Variants in DLG2 observed in about 807,000 individuals in gnomAD.
The protein encoded by DLG2 is discs large MAGUK scaffold protein 2, also known as disks large homolog 2.
A neutral mutation model predicts 132.5 loss-of-function variants in DLG2; 45 were observed. The ratio of observed to expected loss-of-function variants is 0.34; its 90% CI spans 0.27 to 0.44. The LOEUF is 0.44. Among genes scored for constraint, DLG2 ranks in the 20% least tolerant of loss-of-function variants. The probability of loss-of-function intolerance (pLI) is 1.00; values close to 1 mark genes in which losing one functional copy is unlikely to be tolerated. For synonymous variants in DLG2, 424 were observed against 419.6 expected (o/e 1.01, Z -0.13); for missense variants, 1,045 against 1,196.9 (o/e 0.87, Z 1.87).
chr11:83,776,884 G>A (rs2094602537), intron 18 of DLG2, among the ~76,000 whole-genome samples: 5 of 152,278 alleles, frequency 3.3e-5, no homozygotes, highest in Admixed American at 2.6e-4. Flanking sequence ...GTTTGTCTTC[G>A]TTTGGTCTGG....
At chr11:85,453,252 T>G in intron 3 of DLG2, 1 of 351,338 alleles carries the variant, frequency 2.8e-6, no homozygotes, top group Non-Finnish European at 5.2e-6. Flanking sequence ...AGTAAACACT[T>G]GTGTCAATAA....
chr11:84,393,422 C>T (rs1740831976), intron 7 of DLG2, among the ~76,000 whole-genome samples: 2 of 152,076 alleles, frequency 1.3e-5, no homozygotes, highest in Admixed American at 1.3e-4. Context: ...ACTACTCTAA[C>T]TTTTGTAATA....
chr11:83,562,730 TAGTG>T (rs2096633219), intron 19 of DLG2, among the ~76,000 whole-genome samples: 1 of 152,130 alleles, frequency 6.6e-6, no homozygotes, highest in Non-Finnish European at 1.5e-5. Context: ...TATGATAACT[TAGTG>T]AGGTTGAAGT....
intron 6 of DLG2, among the ~76,000 whole-genome samples, chr11:84,622,302 A>G (rs778767794): frequency 5.9e-5 from 9 of 152,194 alleles, no homozygotes; most frequent in Non-Finnish European, 1.2e-4. Flanking sequence ...CCAGTTCACC[A>G]CCAGAAAGAG....
intron 6 of DLG2, among the ~76,000 whole-genome samples, chr11:84,964,967 C>G (rs1008799346): frequency 6.6e-6 from 1 of 152,068 alleles, no homozygotes; most frequent in African/African-American, 2.4e-5. Flanking sequence ...ATTTTCATAT[C>G]CATGTCCTCA....
intron 3 of DLG2, among the ~76,000 whole-genome samples, chr11:85,309,986 C>T (rs1176554217): frequency 2.6e-5 from 4 of 152,152 alleles, no homozygotes; most frequent in Non-Finnish European, 5.9e-5. Context: ...AGCAGTCTCT[C>T]AGATGCTGAT....
chr11:84,068,098 CA>C (rs1453719763), intron 10 of DLG2, among the ~76,000 whole-genome samples: 1 of 152,138 alleles, frequency 6.6e-6, no homozygotes, highest in Non-Finnish European at 1.5e-5. Context: ...TATTAGAGGC[CA>C]TTTTCTTCCA....
intron 9 of DLG2, among the ~76,000 whole-genome samples, chr11:84,101,408 C>T (rs774752237): frequency 2.0e-5 from 3 of 152,140 alleles, no homozygotes; most frequent in Admixed American, 6.6e-5. Context: ...ATTTTAAATA[C>T]TTACTGACAC....
chr11:85,620,139 T>G (rs1259300610), intron 2 of DLG2, among the ~76,000 whole-genome samples: 1 of 152,218 alleles, frequency 6.6e-6, no homozygotes, highest in Non-Finnish European at 1.5e-5. Context: ...TATTTCAAAC[T>G]TTTTCATTAG....
chr11:84,298,236 G>T (rs2098115015), intron 7 of DLG2, among the ~76,000 whole-genome samples: 1 of 152,116 alleles, frequency 6.6e-6, no homozygotes, highest in Non-Finnish European at 1.5e-5. Flanking sequence ...TGAATTTTAT[G>T]AACATGGGCG....
At chr11:84,381,042 G>C (rs925879910) in intron 7 of DLG2, among the ~76,000 whole-genome samples, 1 of 151,836 alleles carries the variant, frequency 6.6e-6, no homozygotes, top group Non-Finnish European at 1.5e-5. Flanking sequence ...AATGAAAAGG[G>C]AGACATATCA....
intron 4 of DLG2, among the ~76,000 whole-genome samples, chr11:85,258,086 C>T (rs1024681710): frequency 4.6e-5 from 7 of 152,124 alleles, no homozygotes; most frequent in Non-Finnish European, 4.4e-5. Flanking sequence ...CTTCCTCTTC[C>T]TTTTAAGCAA....
intron 3 of DLG2, among the ~76,000 whole-genome samples, chr11:85,466,893 C>T (rs1183402700): frequency 1.3e-5 from 2 of 152,130 alleles, no homozygotes; most frequent in African/African-American, 4.8e-5. Flanking sequence ...CTATTAATTA[C>T]CTTGGGCAGT....
intron 18 of DLG2, among the ~76,000 whole-genome samples, chr11:83,739,111 G>A (rs756911501): frequency 2.0e-5 from 3 of 151,988 alleles, no homozygotes; most frequent in Non-Finnish European, 4.4e-5. Flanking sequence ...CATTCACAAA[G>A]CTGAAGGGCT....
intron 3 of DLG2, among the ~76,000 whole-genome samples, chr11:85,412,269 G>T (rs1346637030): frequency 6.6e-6 from 1 of 151,758 alleles, no homozygotes; most frequent in Non-Finnish European, 1.5e-5. Context: ...AGTCCTCATT[G>T]CTCTGGCAGG....
In DLG2 at chr11:83,796,336, T is replaced by G. The variant is rs116887531; in HGVS notation, c.1723-9544A>C. The stretch of plus-strand genomic sequence containing the variant: ...AAAAAACCAAAACAGTTCTTTGTGT[T>G]GAATCTTTCTTTCCACCTCTTGGCT... On this transcript the variant is annotated intron_variant, in intron 17 of 27. Transcript: ENST00000376104. Among the ~76,000 whole-genome samples the G allele has an allele frequency of 3.9e-5, 6 of 152,364 alleles. No homozygotes were observed. In the East Asian group the frequency reaches 1.2e-3, roughly 29 times the overall value.
At chr11:83,852,728 A>G (rs546432939) in intron 16 of DLG2, among the ~76,000 whole-genome samples, 1 of 152,310 alleles carries the variant, frequency 6.6e-6, no homozygotes, top group South Asian at 2.1e-4. Flanking sequence ...ACCAGCTACA[A>G]GTTCTGTTTT....
At chr11:84,990,510 T>G (rs1330070245) in intron 6 of DLG2, among the ~76,000 whole-genome samples, 2 of 152,116 alleles carry the variant, frequency 1.3e-5, no homozygotes, top group Non-Finnish European at 1.5e-5. Flanking sequence ...GCTGATACCA[T>G]GCTCTTGGAA....
chr11:85,232,308 C>T (rs1337005845), intron 4 of DLG2, among the ~76,000 whole-genome samples: 3 of 151,748 alleles, frequency 2.0e-5, no homozygotes, highest in Non-Finnish European at 4.4e-5. Flanking sequence ...AATATAATAT[C>T]TTTTGATAAT....
Sources: allele counts gnomAD v4.1 joint callset (sites outside exome capture counted in the v4.1 genomes callset), GRCh38; gene constraint gnomAD v4.1.1; transcripts MANE v1.5; gene names NCBI Gene and HGNC (gene_info 2026-07-23, HGNC 2026-07-21).